Variants in NT5C2 observed in about 807,000 individuals in gnomAD.
The protein encoded by NT5C2 is cytosolic purine 5'-nucleotidase.
Under a neutral mutation model 76.1 loss-of-function variants are expected in NT5C2, and 58 were observed. That is an observed-to-expected ratio of 0.76 (90% confidence interval 0.62 to 0.95). The LOEUF is 0.95. Among genes scored for constraint, NT5C2 ranks in the 40% least tolerant of loss-of-function variants. The probability of loss-of-function intolerance (pLI) is 0.00; values close to 1 mark genes in which losing one functional copy is unlikely to be tolerated. For synonymous variants in NT5C2, 229 were observed against 237.4 expected (o/e 0.96, Z 0.32); for missense variants, 478 against 690.3 (o/e 0.69, Z 3.45).
chr10:103,109,765 G>T (rs1054026204), intron 4 of NT5C2, among the ~76,000 whole-genome samples: 6 of 152,052 alleles, frequency 3.9e-5, no homozygotes, highest in South Asian at 2.1e-4. Flanking sequence ...AGTGACTATC[G>T]AGTAAAACCT....
At chr10:103,191,471 A>C (rs1014979339) in intron 1 of NT5C2, among the ~76,000 whole-genome samples, 1 of 152,086 alleles carries the variant, frequency 6.6e-6, no homozygotes, top group Admixed American at 6.5e-5. Context: ...AAACAGGAGA[A>C]ATAGCCTAGA....
intron 6 of NT5C2, among the ~76,000 whole-genome samples, chr10:103,104,040 T>C (rs573655946): frequency 2.6e-5 from 4 of 152,182 alleles, no homozygotes; most frequent in East Asian, 3.9e-4. Flanking sequence ...TTTGTAGAGA[T>C]AGGGTTTCAC....
intron 12 of NT5C2, among the ~76,000 whole-genome samples, chr10:103,094,831 G>A (rs1170319011): frequency 3.4e-5 from 5 of 147,324 alleles, no homozygotes; most frequent in African/African-American, 7.5e-5. Flanking sequence ...GCAGTGAGCC[G>A]AGATCGTGCC....
rs2071350218 is a variant in NT5C2 at position 103,106,643 on chromosome 10, A to G, written c.239T>C (p.Ile80Thr). Residue 80 changes from isoleucine (I) to threonine (T), a missense_variant, in exon 5 of 19, where the codon ATT becomes ACT. Physicochemically the swap from Ile to Thr is moderately conservative, Grantham distance 89 (BLOSUM62 -1). Transcript: ENST00000404739. Reference protein sequence around the residue: ...FELTVERLVSIGYPQELLSFA... With the variant: ...FELTVERLVSTGYPQELLSFA... ...GCTGAGCAACTCCTGGGGATAGCCAATAGAAACTAATCTCTCCACAGTAAG... is the reference window on the plus strand; with the variant it reads ...GCTGAGCAACTCCTGGGGATAGCCAGTAGAAACTAATCTCTCCACAGTAAG... 6.2e-7 allele frequency: 1 copy of G among 1,613,962 alleles called. No homozygotes were observed. Among genetic ancestry groups the G allele is most frequent in the Non-Finnish European group, 8.5e-7 (1 of 1,179,826 alleles).
chr10:103,130,583 T>TAAAAAAAAAAAAAAAGAA (rs5787482), intron 4 of NT5C2, among the ~76,000 whole-genome samples: 1 of 137,374 alleles, frequency 7.3e-6, no homozygotes, highest in Non-Finnish European at 1.5e-5. Flanking sequence ...AAATAAAAAT[T>TAAAAAAAAAAAAAAAGAA]AAAAAAAAAA....
At chr10:103,164,924 T>C (rs2134253208) in intron 3 of NT5C2, among the ~76,000 whole-genome samples, 1 of 152,334 alleles carries the variant, frequency 6.6e-6, no homozygotes, top group South Asian at 2.1e-4. Context: ...ATAGAGGGAA[T>C]GGTAGTAAAG....
At chr10:103,170,668 G>T (rs934857685) in intron 3 of NT5C2, among the ~76,000 whole-genome samples, 1 of 151,398 alleles carries the variant, frequency 6.6e-6, no homozygotes, top group African/African-American at 2.4e-5. Flanking sequence ...GTCCACAGGC[G>T]TAAGCCACCA....
Position 103,089,752 on chromosome 10 carries a change from G to T in NT5C2, c.1606C>A (p.Leu536Ile), listed in dbSNP as rs1052439538. 1 of 1,613,972 alleles carries T rather than the reference G, an allele frequency of 6.2e-7. No individual in the cohort carries two copies. The highest frequency in any genetic ancestry group is 1.7e-5 in the Admixed American group (1 of 60,010). Residue 536 changes from leucine to isoleucine, a missense_variant, in exon 19 of 19, where the codon CTC (leucine) becomes ATC (isoleucine). By Grantham distance (5) the Leu-to-Ile change is conservative. Transcript: ENST00000404739. The stretch of plus-strand genomic sequence containing the variant: ...ATTTCCTGGGGGGCCAGTGGGAAGA[G>T]GTTGGGAGGTTTAATCTCACTAATT... ...RSISEIKPPN[L>I]FPLAPQEITH...
At chr10:103,189,109 A>C (rs1200576024) in intron 1 of NT5C2, among the ~76,000 whole-genome samples, 1 of 152,072 alleles carries the variant, frequency 6.6e-6, no homozygotes, top group Non-Finnish European at 1.5e-5. Context: ...AAAAAAAATC[A>C]GTAAGCTTGC....
chr10:103,103,752 G>C (rs2070413106), intron 6 of NT5C2, among the ~76,000 whole-genome samples: 1 of 152,168 alleles, frequency 6.6e-6, no homozygotes, highest in Admixed American at 6.5e-5. Flanking sequence ...AAGCCTGATG[G>C]AGTCCTTCTT....
rs141807876 is a variant in NT5C2, at chr10:103,120,364, A to T, written c.176-13658T>A. On this transcript the variant is annotated intron_variant, in intron 4 of 18. Coordinates refer to ENST00000404739, the MANE Select transcript of NT5C2 (RefSeq NM_001351169.2). ...GAAAAGAAAACCCACAGAATGAGAGACAATATTTGCAAATTGTGTATCTGA... is the reference window on the plus strand; with the variant it reads ...GAAAAGAAAACCCACAGAATGAGAGTCAATATTTGCAAATTGTGTATCTGA... Among the ~76,000 whole-genome samples, 343 of 152,326 alleles carry T rather than the reference A, an allele frequency of 2.3e-3. 4 individuals carry two copies. Among genetic ancestry groups the T allele is most frequent in the African/African-American group, 7.8e-3 (325 of 41,582 alleles).
intron 4 of NT5C2, among the ~76,000 whole-genome samples, chr10:103,119,277 G>A (rs2075133713): frequency 6.6e-6 from 1 of 152,140 alleles, no homozygotes; most frequent in African/African-American, 2.4e-5. Context: ...GCTGAGGCAG[G>A]AGAATCATTT....
chr10:103,163,464 T>C (rs1326585053), intron 3 of NT5C2, among the ~76,000 whole-genome samples: 1 of 152,224 alleles, frequency 6.6e-6, no homozygotes, highest in African/African-American at 2.4e-5. Context: ...TTTTTTATTT[T>C]AGCTATTGTA....
chr10:103,174,470 C>A (rs1028419946), intron 3 of NT5C2, among the ~76,000 whole-genome samples: 1 of 152,120 alleles, frequency 6.6e-6, no homozygotes, highest in Non-Finnish European at 1.5e-5. Context: ...ACTCAGGAGG[C>A]TGAGGCAAGA....
chr10:103,170,920 TAATA>T (rs2134560853), intron 3 of NT5C2, among the ~76,000 whole-genome samples: 1 of 152,264 alleles, frequency 6.6e-6, no homozygotes, highest in East Asian at 1.9e-4. Context: ...TAATGTTAAT[TAATA>T]CTTTATAGTG....
chr10:103,192,017 T>C (rs905874354), intron 1 of NT5C2, among the ~76,000 whole-genome samples: 3 of 152,008 alleles, frequency 2.0e-5, no homozygotes, highest in Non-Finnish European at 4.4e-5. Flanking sequence ...AACTTCACCC[T>C]TTCAGGCCTG....
At chr10:103,113,346 C>T (rs2135461271) in intron 4 of NT5C2, among the ~76,000 whole-genome samples, 1 of 152,112 alleles carries the variant, frequency 6.6e-6, no homozygotes, top group Non-Finnish European at 1.5e-5. Context: ...CAAAAATATT[C>T]CATCTGAGAA....
rs1252132502 is a variant in NT5C2 at position 103,088,570 on chromosome 10, A to AGAGAT, written c.*1097_*1101dup. 3.2e-5 allele frequency: 5 copies of AGAGAT among 154,282 alleles called. No individual in the cohort carries two copies. The highest frequency in any genetic ancestry group is 1.2e-4 in the African/African-American group (5 of 41,514). 9.6% of individuals were successfully genotyped at this position (154,282 alleles called of 1,614,324 possible). ...GCCCAGGTAATTTTGTATTTTTAGT[A>AGAGAT]GAGATGGGGTTTCTCCATGTTGGTA... On this transcript the variant is annotated 3_prime_UTR_variant, in exon 19 of 19. Transcript: ENST00000404739.
At chr10:103,166,387 T>G (rs896704817) in intron 3 of NT5C2, among the ~76,000 whole-genome samples, 3 of 152,156 alleles carry the variant, frequency 2.0e-5, no homozygotes, top group Admixed American at 2.0e-4. Context: ...CCATACAGAG[T>G]GTAACCTTTT....
Sources: allele counts gnomAD v4.1 joint callset (sites outside exome capture counted in the v4.1 genomes callset), GRCh38; gene constraint gnomAD v4.1.1; transcripts MANE v1.5; gene names NCBI Gene and HGNC (gene_info 2026-07-23, HGNC 2026-07-21).